SLC7A7: variants seen among roughly 807,000 people sequenced by gnomAD.
SLC7A7 encodes solute carrier family 7 member 7.
A neutral mutation model predicts 47.9 loss-of-function variants in SLC7A7; 39 were observed. That is an observed-to-expected ratio of 0.81 (90% CI 0.63 to 1.06). The LOEUF (loss-of-function observed/expected upper bound fraction) is 1.06, where lower values mean the gene tolerates loss of function less well. Ranked by LOEUF, SLC7A7 falls within the 50% of genes least tolerant of loss-of-function variation. The pLI is 0.00. For missense variants in SLC7A7, 588 were observed against 632.0 expected (o/e 0.93, Z 0.75); for synonymous variants, 234 against 242.8 (o/e 0.96, Z 0.34).
At chr14:22,776,399 C>T in intron 4 of SLC7A7, 81 bp from the exon 5 acceptor site, 20 of 1,566,496 alleles carry the variant, frequency 1.3e-5, no homozygotes, top group African/African-American at 2.7e-5. Context: ...CTCTCCCTGC[C>T]ACACCGGTCT....
rs1478614098 is a variant in SLC7A7 at position 22,773,283 on chromosome 14, G to A, written c.*327C>T. The A allele has an allele frequency of 2.1e-6, 1 of 477,804 alleles. No homozygotes were observed. Among genetic ancestry groups the A allele is most frequent in the Non-Finnish European group, 4.1e-6 (1 of 244,902 alleles). 29.6% of individuals were successfully genotyped at this position (477,804 alleles called of 1,614,324 possible). Reference sequence around the variant, plus strand: ...GTGATAGTTTCATGTCTCTCTAAAGGAGACAGGAAATTGGAGCATTGTGGG... The same window carrying A: ...GTGATAGTTTCATGTCTCTCTAAAGAAGACAGGAAATTGGAGCATTGTGGG... On this transcript the variant is annotated 3_prime_UTR_variant, in exon 10 of 10. Transcript: ENST00000674313.
At chr14:22,803,506 G>T (rs2039151316) in intron 2 of SLC7A7, among the ~76,000 whole-genome samples, 1 of 152,184 alleles carries the variant, frequency 6.6e-6, no homozygotes, top group Non-Finnish European at 1.5e-5. Context: ...TTTTTGCAAA[G>T]AGGTGAATGG....
chr14:22,788,190 A>G (rs1331816498), intron 2 of SLC7A7, among the ~76,000 whole-genome samples: 1 of 152,178 alleles, frequency 6.6e-6, no homozygotes. Context: ...AGAATCTACC[A>G]AACTTTATTT....
intron 2 of SLC7A7, among the ~76,000 whole-genome samples, chr14:22,801,639 A>G (rs1050054354): frequency 6.6e-6 from 1 of 152,140 alleles, no homozygotes; most frequent in Non-Finnish European, 1.5e-5. Flanking sequence ...TTAGCTGAGC[A>G]TGGTGGTGCA....
Position 22,813,389 on chromosome 14 carries a change from T to G in SLC7A7, c.10A>C (p.Ser4Arg), listed in dbSNP as rs763887386. 1.9e-6 allele frequency: 3 copies of G among 1,612,178 alleles called. No individual in the cohort carries two copies. Among genetic ancestry groups the G allele is most frequent in the Admixed American group, 3.3e-5 (2 of 60,028 alleles). The change falls in exon 2 of 10, where the codon AGC (serine) becomes CGC (arginine). Residue 4 changes from serine to arginine, a missense_variant. Coordinates refer to ENST00000674313, the MANE Select transcript of SLC7A7 (RefSeq NM_003982.4). MVDSTEYEVASQPE... is the reference protein window; with the variant it reads MVDRTEYEVASQPE... ...TGGGAGGCCACTTCATACTCAGTGC[T>G]GTCAACCATGGTGGAGGAGAGGAAA...
chr14:22,812,595 C>A (rs2039328362), intron 2 of SLC7A7, among the ~76,000 whole-genome samples: 1 of 149,548 alleles, frequency 6.7e-6, no homozygotes, highest in Non-Finnish European at 1.5e-5. Flanking sequence ...ATAATCACAC[C>A]ACTGCACTCC....
chr14:22,812,881 C>T lies in SLC7A7; in HGVS notation c.499+19G>A. The T allele has an allele frequency of 6.2e-7, 1 of 1,611,786 alleles. No individual in the cohort carries two copies. The highest frequency in any genetic ancestry group is 2.2e-5 in the East Asian group (1 of 44,864). On this transcript the variant is annotated intron_variant, in intron 2 of 9. Coordinates refer to ENST00000674313, the MANE Select transcript of SLC7A7 (RefSeq NM_003982.4). The stretch of plus-strand genomic sequence containing the variant: ...TGTCCAGCCCTCCACCCACCACCTC[C>T]TACCCCAGCCCCACTTACAAATGCA...
In SLC7A7 at chr14:22,778,774, T is replaced by C. The variant is rs200634374; in HGVS notation, c.770+19A>G. ...TGATGGCTATCACTGCTATGGAAAG[T>C]TGGTGGTGCAGTACCTACCTCTCAG... On this transcript the variant is annotated intron_variant, in intron 4 of 9. Transcript: ENST00000674313. 6.2e-7 allele frequency: 1 copy of C among 1,611,240 alleles called. No individual in the cohort carries two copies. Among genetic ancestry groups the C allele is most frequent in the Non-Finnish European group, 8.5e-7 (1 of 1,177,590 alleles).
At chr14:22,795,921 T>A (rs879081546) in intron 2 of SLC7A7, among the ~76,000 whole-genome samples, 7 of 151,900 alleles carry the variant, frequency 4.6e-5, no homozygotes, top group African/African-American at 1.7e-4. Flanking sequence ...ACATAGAACA[T>A]AGAAAGGAAG....
chr14:22,788,028 G>C (rs1359692062), intron 2 of SLC7A7, among the ~76,000 whole-genome samples: 3 of 151,400 alleles, frequency 2.0e-5, no homozygotes, highest in Non-Finnish European at 4.4e-5. Context: ...AGCCGAGATC[G>C]CGCCACCGCA....
At chr14:22,778,548 A>G (rs1221986880) in intron 4 of SLC7A7, among the ~76,000 whole-genome samples, 1 of 147,714 alleles carries the variant, frequency 6.8e-6, no homozygotes, top group Non-Finnish European at 1.5e-5. Flanking sequence ...ATTAATGCAG[A>G]AATTAATGAA....
intron 2 of SLC7A7, among the ~76,000 whole-genome samples, chr14:22,805,549 T>C (rs1191202472): frequency 2.0e-5 from 3 of 152,016 alleles, no homozygotes; most frequent in Non-Finnish European, 4.4e-5. Context: ...CACTTATAAG[T>C]GGGAGCTGAA....
chr14:22,782,033 A>G (rs1480866686), intron 2 of SLC7A7, among the ~76,000 whole-genome samples: 1 of 152,184 alleles, frequency 6.6e-6, no homozygotes, highest in Non-Finnish European at 1.5e-5. Context: ...TAAGCAACCA[A>G]TTCACCACCT....
chr14:22,794,814 C>T (rs145263676), intron 2 of SLC7A7, among the ~76,000 whole-genome samples: 28 of 152,250 alleles, frequency 1.8e-4, no homozygotes, highest in African/African-American at 6.7e-4. Flanking sequence ...CCACCCAGAC[C>T]AATGAAGTCA....
At chr14:22,817,978 C>T (rs1470921969), upstream of SLC7A7, among the ~76,000 whole-genome samples, 2 of 151,952 alleles carry the variant, frequency 1.3e-5, no homozygotes, top group Admixed American at 1.3e-4. Flanking sequence ...ATTACAAGTC[C>T]TCTTGGCAGT....
chr14:22,811,288 G>C (rs2039301902), intron 2 of SLC7A7, among the ~76,000 whole-genome samples: 1 of 152,212 alleles, frequency 6.6e-6, no homozygotes. Context: ...CAAAATTCCT[G>C]TGCCCCAACT....
chr14:22,801,369 G>A (rs2039110372), intron 2 of SLC7A7, among the ~76,000 whole-genome samples: 1 of 151,940 alleles, frequency 6.6e-6, no homozygotes, highest in Admixed American at 6.6e-5. Context: ...ATTCTTCTTC[G>A]CCATTCAGGT....
At chr14:22,811,572 G>A (rs567906759) in intron 2 of SLC7A7, among the ~76,000 whole-genome samples, 12 of 152,310 alleles carry the variant, frequency 7.9e-5, no homozygotes, top group African/African-American at 2.2e-4. Context: ...CACAGAGGCC[G>A]GGTGCAGTGG....
At chr14:22,812,781 AT>A in intron 2 of SLC7A7, 118 bp downstream of exon 2, 1 of 623,668 alleles carries the variant, frequency 1.6e-6, no homozygotes, top group Non-Finnish European at 2.4e-6. Context: ...AACTATATAT[AT>A]ATATATATAT....
Sources: allele counts gnomAD v4.1 joint callset (sites outside exome capture counted in the v4.1 genomes callset), GRCh38; gene constraint gnomAD v4.1.1; transcripts MANE v1.5; gene names NCBI Gene and HGNC (gene_info 2026-07-23, HGNC 2026-07-21).